The following RAP1GAP variants were observed in gnomAD, a reference collection of about 807,000 sequenced individuals.
The protein encoded by RAP1GAP is rap1 GTPase-activating protein 1.
Under a neutral mutation model 87.2 loss-of-function variants are expected in RAP1GAP, and 35 were observed. That is an observed-to-expected ratio of 0.40 (90% CI 0.31 to 0.53). The LOEUF (loss-of-function observed/expected upper bound fraction) is 0.53, where lower values mean the gene tolerates loss of function less well. Ranked by LOEUF, RAP1GAP falls within the 20% of genes least tolerant of loss-of-function variation. The pLI is 0.48. For missense variants in RAP1GAP, 734 were observed against 898.9 expected (o/e 0.82, Z 2.35); for synonymous variants, 375 against 363.9 (o/e 1.03, Z -0.35).
At chr1:21,645,872 C>T (rs1183281574) in intron 2 of RAP1GAP, among the ~76,000 whole-genome samples, 1 of 152,202 alleles carries the variant, frequency 6.6e-6, no homozygotes, top group African/African-American at 2.4e-5. Flanking sequence ...GGCTCAGTGA[C>T]TGCCATAAGG....
chr1:21,606,036 C>A (rs775111259), intron 18 of RAP1GAP, 30 bp downstream of exon 18: 37 of 1,556,540 alleles, frequency 2.4e-5, no homozygotes, highest in Non-Finnish European at 3.1e-5. Context: ...CAGGGAGGGG[C>A]CGGGGCCTGG....
At chr1:21,606,462 G>A (rs1038607395) in intron 17 of RAP1GAP, among the ~76,000 whole-genome samples, 1 of 152,196 alleles carries the variant, frequency 6.6e-6, no homozygotes, top group Non-Finnish European at 1.5e-5. Flanking sequence ...CTTGCCGGGT[G>A]GCCTTGGGGA....
chr1:21,596,650 G>A lies in RAP1GAP; in HGVS notation c.*649C>T, dbSNP rs1250935717. The A allele has an allele frequency of 2.0e-5, 3 of 152,310 alleles. No homozygotes were observed. The highest frequency in any genetic ancestry group is 7.2e-5 in the African/African-American group (3 of 41,456). 9.4% of individuals were successfully genotyped at this position (152,310 alleles called of 1,614,324 possible). On this transcript the variant is annotated 3_prime_UTR_variant, in exon 25 of 25. Coordinates refer to ENST00000374765, the MANE Select transcript of RAP1GAP (RefSeq NM_002885.4). ...GCCCCTCAGCCCACCTGGGGCTCCA[G>A]GGACCTCAAGAAGCAGGGTAGGGTG...
At position 21,669,286 on chromosome 1, in the gene RAP1GAP, G is replaced by C. The variant is rs1021808030; in HGVS notation, c.-181C>G. 1 of 1,190,728 alleles carries C rather than the reference G, an allele frequency of 8.4e-7. No individual in the cohort carries two copies. The highest frequency in any genetic ancestry group is 1.1e-6 in the Non-Finnish European group (1 of 950,874). The allele number at this position is 1,190,728 out of a possible 1,614,324, so 73.8% of individuals were successfully genotyped here. A position where few individuals can be genotyped will look rare whatever the true frequency, so the allele number is the denominator to read the frequency against. ...CCTGGGCCGGGGGCGTCCTGGGCTC[G>C]GCACTCTGGTGCCCGCGGCCGCCGC... On this transcript the variant is annotated 5_prime_UTR_variant, in exon 1 of 25. Transcript: ENST00000374765. This position sits in a 1 kb window ranked among gnomAD's most constrained non-coding sequence, Gnocchi z 5.6.
intron 1 of RAP1GAP, among the ~76,000 whole-genome samples, chr1:21,657,077 C>G (rs1315867910): frequency 6.6e-6 from 1 of 152,252 alleles, no homozygotes; most frequent in Non-Finnish European, 1.5e-5. Flanking sequence ...TGCACACAAA[C>G]TTTCCCAGGT....
chr1:21,640,416 T>C (rs2095411522), intron 2 of RAP1GAP, among the ~76,000 whole-genome samples: 1 of 152,240 alleles, frequency 6.6e-6, no homozygotes. Flanking sequence ...CTTCAGGTCA[T>C]GCCTGGGTCT....
intron 2 of RAP1GAP, among the ~76,000 whole-genome samples, chr1:21,635,993 G>A (rs952738149): frequency 6.6e-6 from 1 of 152,250 alleles, no homozygotes; most frequent in African/African-American, 2.4e-5. Context: ...CAGTGGAGAG[G>A]ACCTTAGACT....
intron 19 of RAP1GAP, among the ~76,000 whole-genome samples, chr1:21,602,505 G>A (rs1344371920): frequency 2.0e-5 from 3 of 152,222 alleles, no homozygotes; most frequent in Non-Finnish European, 4.4e-5. Context: ...GGAAGAGCAC[G>A]GATGCTGGCC....
At chr1:21,612,903 A>G in intron 10 of RAP1GAP, 1 of 507,398 alleles carries the variant, frequency 2.0e-6, no homozygotes, top group South Asian at 2.3e-5. Flanking sequence ...GAGGGTCCCC[A>G]AACATCACAG....
In RAP1GAP at chr1:21,657,970, C is replaced by T. The variant is rs1036187504; in HGVS notation, c.-148-8174G>A. 6.6e-5 allele frequency among the ~76,000 whole-genome samples: 10 copies of T among 152,282 alleles called. No individual in the cohort carries two copies. The East Asian group carries it at 1.7e-3, about 26-fold the overall frequency. On this transcript the variant is annotated intron_variant, in intron 1 of 24. Coordinates refer to ENST00000374765, the MANE Select transcript of RAP1GAP (RefSeq NM_002885.4). ...TCTCAACAAGGGTGGCTCTGCCCCC[C>T]AGAGGGCGCCAGGGTGGTTTCAGTC...
At chr1:21,623,450 C>T (rs1315845701) in intron 3 of RAP1GAP, among the ~76,000 whole-genome samples, 1 of 152,234 alleles carries the variant, frequency 6.6e-6, no homozygotes, top group Non-Finnish European at 1.5e-5. Flanking sequence ...ACAGCAAATG[C>T]TTCCTGAACT....
At chr1:21,632,464 A>G (rs2316497) in intron 2 of RAP1GAP, among the ~76,000 whole-genome samples, 3,464 of 152,324 alleles carry the variant, frequency 0.023, 58 homozygotes, top group Non-Finnish European at 0.034. Flanking sequence ...AATTGCCAGC[A>G]GGGCAAACTG....
At chr1:21,628,180 T>C (rs1215884700) in intron 2 of RAP1GAP, among the ~76,000 whole-genome samples, 1 of 152,088 alleles carries the variant, frequency 6.6e-6, no homozygotes, top group Non-Finnish European at 1.5e-5. Flanking sequence ...TACGCACAGG[T>C]TCCTGCATAT....
At position 21,606,054 on chromosome 1, in the gene RAP1GAP, G is replaced by C; in HGVS notation, c.1428+12C>G. The C allele has an allele frequency of 6.4e-7, 1 of 1,572,888 alleles. No homozygotes were observed. Among genetic ancestry groups the C allele is most frequent in the African/African-American group, 1.3e-5 (1 of 74,548 alleles). ...GGAGGGGCCGGGGCCTGGGGAGGGG[G>C]AGGGCACTCACTATTCCAGCCGCCT... On this transcript the variant is annotated intron_variant, in intron 18 of 24. Transcript: ENST00000374765.
chr1:21,629,911 T>C (rs1184698253), intron 2 of RAP1GAP, among the ~76,000 whole-genome samples: 1 of 152,114 alleles, frequency 6.6e-6, no homozygotes, highest in Non-Finnish European at 1.5e-5. Flanking sequence ...AACATGTACG[T>C]CCAATCCTGT....
chr1:21,642,875 TACACAC>T (rs61497285), intron 2 of RAP1GAP, among the ~76,000 whole-genome samples: 112 of 134,296 alleles, frequency 8.3e-4, no homozygotes, highest in East Asian at 4.4e-3. Context: ...CCTTCCCCAC[TACACAC>T]ACACACACAC....
In RAP1GAP at chr1:21,618,610, C is replaced by T. The variant is rs551772122; in HGVS notation, c.66+415G>A. On this transcript the variant is annotated intron_variant, in intron 5 of 24. Transcript: ENST00000374765. ...CAGACAGCAGCTTATGGAGCAGGAG[C>T]TCATAAGTCTCCTAGGGCCTGAGTT... 9.9e-5 allele frequency among the ~76,000 whole-genome samples: 15 copies of T among 152,274 alleles called. No individual in the cohort carries two copies. The East Asian group carries it at 2.5e-3, about 26-fold the overall frequency.
intron 1 of RAP1GAP, among the ~76,000 whole-genome samples, chr1:21,666,876 C>A (rs1374771288): frequency 1.3e-5 from 2 of 152,190 alleles, no homozygotes; most frequent in Admixed American, 1.3e-4. Context: ...ACGAGGGCTT[C>A]TGAAAAGGCT....
In RAP1GAP at chr1:21,612,175, C is replaced by T. The variant is rs940348227; in HGVS notation, c.529-66G>A. 1.9e-5 allele frequency: 25 copies of T among 1,305,286 alleles called. No homozygotes were observed. The African/African-American group carries it at 2.1e-4, about 11-fold the overall frequency. 80.9% of individuals were successfully genotyped at this position (1,305,286 alleles called of 1,614,324 possible). Reference sequence around the variant, plus strand: ...GCTGCCATTCGACGTGCTCTTCCCCCGTGCCAAGCACTGAGCCAGGCGCTC... The same window carrying T: ...GCTGCCATTCGACGTGCTCTTCCCCTGTGCCAAGCACTGAGCCAGGCGCTC... On this transcript the variant is annotated intron_variant, in intron 10 of 24. Coordinates refer to ENST00000374765, the MANE Select transcript of RAP1GAP (RefSeq NM_002885.4).
Sources: allele counts gnomAD v4.1 joint callset (sites outside exome capture counted in the v4.1 genomes callset), GRCh38; gene constraint gnomAD v4.1.1; non-coding constraint Gnocchi (gnomAD v3.1); transcripts MANE v1.5; gene names NCBI Gene and HGNC (gene_info 2026-07-23, HGNC 2026-07-21).